The following XPO6 variants were observed in gnomAD, a reference collection of about 807,000 sequenced individuals.
XPO6 encodes exportin-6.
A neutral mutation model predicts 130.0 loss-of-function variants in XPO6; 3 were observed. The observed-to-expected ratio is 0.02, with a 90% CI of 0.01 to 0.06. The LOEUF is 0.06. Ranked by LOEUF, XPO6 falls within the 10% of genes least tolerant of loss-of-function variation. XPO6 has a pLI of 1.00. For synonymous variants in XPO6, 524 were observed against 548.9 expected, an observed-to-expected ratio of 0.95 and a Z score of 0.63; for missense variants, 970 against 1,393.0, an observed-to-expected ratio of 0.70 and a Z score of 4.83.
intron 1 of XPO6, among the ~76,000 whole-genome samples, chr16:28,191,998 G>A (rs543099563): frequency 1.6e-4 from 25 of 152,270 alleles, no homozygotes; most frequent in African/African-American, 3.1e-4. Flanking sequence ...GGTGGCTCAC[G>A]CCTGTAATCC....
chr16:28,100,453 A>G (rs893849346), intron 23 of XPO6, among the ~76,000 whole-genome samples: 105 of 152,256 alleles, frequency 6.9e-4, no homozygotes, highest in African/African-American at 2.5e-3. Flanking sequence ...ACAAGTCCCA[A>G]GAAAAGGAAG....
chr16:28,153,262 G>A (rs1372985045), intron 7 of XPO6: 2 of 987,960 alleles, frequency 2.0e-6, no homozygotes, highest in African/African-American at 3.5e-5. Context: ...GCAACTTAAT[G>A]GCCATTTTTC....
At chr16:28,122,589 T>C (rs1052987036) in intron 13 of XPO6, among the ~76,000 whole-genome samples, 1 of 152,040 alleles carries the variant, frequency 6.6e-6, no homozygotes, top group Non-Finnish European at 1.5e-5. Flanking sequence ...CACTCCAGCC[T>C]GGGTAACAGA....
At chr16:28,124,590 T>G (rs33047) in intron 13 of XPO6, among the ~76,000 whole-genome samples, 8,202 of 152,220 alleles carry the variant, frequency 0.054, 569 homozygotes, top group East Asian at 0.17. Flanking sequence ...TCTCAAAGAC[T>G]GTGTGAACCG....
chr16:28,204,613 T>C (rs1346455585), intron 1 of XPO6, among the ~76,000 whole-genome samples: 1 of 152,038 alleles, frequency 6.6e-6, no homozygotes, highest in Admixed American at 6.6e-5. Context: ...ACTCGAGAAC[T>C]GGAGCTGAGG....
chr16:28,139,012 T>A (rs1280436287), intron 9 of XPO6, among the ~76,000 whole-genome samples: 2 of 152,228 alleles, frequency 1.3e-5, no homozygotes, highest in African/African-American at 4.8e-5. Context: ...CAATGCTCCA[T>A]GAGGTTCCTC....
rs1459001177 is a variant in XPO6, at chr16:28,106,615, G to A, written c.2498-118C>T. The A allele has an allele frequency of 1.3e-5, 10 of 758,190 alleles. No individual in the cohort carries two copies. The highest frequency in any genetic ancestry group is 2.2e-5 in the Non-Finnish European group (10 of 453,270). 47.0% of individuals were successfully genotyped at this position (758,190 alleles called of 1,614,324 possible). On this transcript the variant is annotated intron_variant, in intron 18 of 23. Transcript: ENST00000304658. The surrounding 1 kb of genome is among the most constrained non-coding windows in gnomAD (Gnocchi z 4.2). ...TCAGCTTTCTCTACAGCTTCCTGCT[G>A]GAAACATTTCCCCAACACCATCAGG...
intron 6 of XPO6, 43 bp downstream of exon 6, chr16:28,166,465 A>G: frequency 1.3e-6 from 2 of 1,548,062 alleles, no homozygotes; most frequent in African/African-American, 1.4e-5. Context: ...GGCCCCCAAT[A>G]CATTTAAAAA....
At chr16:28,141,788 G>A (rs538442254) in intron 9 of XPO6, among the ~76,000 whole-genome samples, 1 of 152,252 alleles carries the variant, frequency 6.6e-6, no homozygotes, top group East Asian at 1.9e-4. Context: ...GTGAAACCCC[G>A]TCTCTAATAA....
In XPO6 at chr16:28,101,910, G is replaced by C. The variant is rs767621255; in HGVS notation, c.2982C>G (p.His994Gln). The C allele has an allele frequency of 6.2e-7, 1 of 1,614,006 alleles. No individual in the cohort carries two copies. Among genetic ancestry groups the C allele is most frequent in the Non-Finnish European group, 8.5e-7 (1 of 1,180,038 alleles). ...AGTAGAAGAGATTTTGTTTAAAAAGGTGGATGTCGGGCTGGAGAAAGGACT... is the reference window on the plus strand; with the variant it reads ...AGTAGAAGAGATTTTGTTTAAAAAGCTGGATGTCGGGCTGGAGAAAGGACT... ...FGQSFLQPDI[H>Q]LFKQNLFYLE... Residue 994 changes from histidine (H) to glutamine (Q), a missense_variant, in exon 22 of 24, where the codon CAC becomes CAG. Coordinates refer to ENST00000304658, the MANE Select transcript of XPO6 (RefSeq NM_015171.4). The surrounding 1 kb of genome is among the most constrained non-coding windows in gnomAD (Gnocchi z 5.4).
At position 28,121,775 on chromosome 16, in the gene XPO6, A is replaced by C. The variant is rs774289223; in HGVS notation, c.1767-13T>G. On this transcript the variant is annotated splice_polypyrimidine_tract_variant and intron_variant, in intron 13 of 23. Coordinates refer to ENST00000304658, the MANE Select transcript of XPO6 (RefSeq NM_015171.4). ...GACTTTGACCAACCTGTTGGCAAAGAGGCAGGTAAACAAGAACATTCAGCT... is the reference window on the plus strand; with the variant it reads ...GACTTTGACCAACCTGTTGGCAAAGCGGCAGGTAAACAAGAACATTCAGCT... 3.8e-6 allele frequency: 6 copies of C among 1,577,148 alleles called. 1 individual carries two copies. In the South Asian group the frequency reaches 6.6e-5, roughly 17 times the overall value.
chr16:28,151,284 C>T (rs1273435453), intron 8 of XPO6, among the ~76,000 whole-genome samples: 2 of 151,370 alleles, frequency 1.3e-5, no homozygotes, highest in Non-Finnish European at 2.9e-5. Context: ...TGTGTACATC[C>T]AAAAGCACGT....
chr16:28,152,817 G>A, intron 7 of XPO6, 32 bp from the exon 8 acceptor site: 1 of 1,601,728 alleles, frequency 6.2e-7, no homozygotes, highest in Non-Finnish European at 8.5e-7. Context: ...GTGACAATAA[G>A]AAACCCAGCC....
chr16:28,209,640 C>CA (rs200663753), intron 1 of XPO6, among the ~76,000 whole-genome samples: 2,975 of 42,114 alleles, frequency 0.071, 161 homozygotes, highest in African/African-American at 0.19. Context: ...AACTCCATCT[C>CA]AAAAAAAAAA....
rs1567587339 is a variant in XPO6, at chr16:28,101,232, G to A, written c.3276+226C>T. ...CCAGGAACTCGGGACCTCCATGGCTGAGACTAAGAACATACGTGCTACAGA... is the reference window on the plus strand; with the variant it reads ...CCAGGAACTCGGGACCTCCATGGCTAAGACTAAGAACATACGTGCTACAGA... On this transcript the variant is annotated intron_variant, in intron 23 of 23. Coordinates refer to ENST00000304658, the MANE Select transcript of XPO6 (RefSeq NM_015171.4). The surrounding 1 kb of genome is among the most constrained non-coding windows in gnomAD (Gnocchi z 5.4). 3.3e-6 allele frequency: 2 copies of A among 607,622 alleles called. No homozygotes were observed. The allele number at this position is 607,622 out of a possible 1,614,324, so 37.6% of individuals were successfully genotyped here.
chr16:28,150,359 T>C (rs574867585), intron 8 of XPO6, among the ~76,000 whole-genome samples: 5 of 152,024 alleles, frequency 3.3e-5, no homozygotes, highest in Admixed American at 6.5e-5. Context: ...AAATATAATA[T>C]ATAAATATAT....
intron 9 of XPO6, among the ~76,000 whole-genome samples, chr16:28,143,515 A>G (rs991139207): frequency 6.6e-6 from 1 of 152,226 alleles, no homozygotes; most frequent in African/African-American, 2.4e-5. Flanking sequence ...GCAAAAAAAG[A>G]ATTTAAATTC....
intron 2 of XPO6, among the ~76,000 whole-genome samples, chr16:28,178,725 G>C (rs1253888361): frequency 6.7e-6 from 1 of 149,844 alleles, no homozygotes; most frequent in Non-Finnish European, 1.5e-5. Flanking sequence ...CCCAGCCTGA[G>C]TGATAGAGCA....
Position 28,147,918 on chromosome 16 carries a change from C to G in XPO6, c.1225-1715G>C, listed in dbSNP as rs538697853. Among the ~76,000 whole-genome samples the G allele has an allele frequency of 3.9e-5, 6 of 152,288 alleles. No homozygotes were observed. The East Asian group carries it at 1.2e-3, about 29-fold the overall frequency. On this transcript the variant is annotated intron_variant, in intron 8 of 23. Coordinates refer to ENST00000304658, the MANE Select transcript of XPO6 (RefSeq NM_015171.4). Reference sequence around the variant, plus strand: ...CTGAGATCGTGCCACTGCACTCCAGCCTGGACAACAGAGCAAGACCCTGTC... The same window carrying G: ...CTGAGATCGTGCCACTGCACTCCAGGCTGGACAACAGAGCAAGACCCTGTC...
Sources: gnomAD v4.1 joint callset for allele counts (sites outside exome capture counted in the v4.1 genomes callset) on GRCh38, gnomAD v4.1.1 for gene constraint, Gnocchi (gnomAD v3.1) non-coding constraint, MANE v1.5 for transcripts, NCBI Gene and HGNC (gene_info 2026-07-23, HGNC 2026-07-21) for gene names.